Variants in RPTOR observed in about 807,000 individuals in gnomAD.
RPTOR encodes the protein regulatory associated protein of MTOR complex 1.
RPTOR carries 21 observed loss-of-function variants against 169.9 expected under a neutral mutation model. The observed-to-expected ratio is 0.12, with a 90% CI of 0.09 to 0.18. RPTOR has a LOEUF of 0.18. RPTOR is among the 10% of genes least tolerant of loss of function. The pLI is 1.00. For synonymous variants in RPTOR, 732 were observed against 753.2 expected (o/e 0.97, Z 0.46); for missense variants, 1,133 against 1,855.9 (o/e 0.61, Z 7.16).
At chr17:80,584,772 T>C (rs565246369) in intron 1 of RPTOR, among the ~76,000 whole-genome samples, 63 of 152,332 alleles carry the variant, frequency 4.1e-4, no homozygotes, top group South Asian at 3.3e-3. Context: ...CTTAGAAACA[T>C]TGTTACCATG....
At position 80,562,728 on chromosome 17, in the gene RPTOR, G is replaced by A. The variant is rs2084515688; in HGVS notation, c.162+16937G>A. On this transcript the variant is annotated intron_variant, in intron 1 of 33. Transcript: ENST00000306801. This position sits in a 1 kb window ranked among gnomAD's most constrained non-coding sequence, Gnocchi z 4.4. The stretch of plus-strand genomic sequence containing the variant: ...GAACCTGGGAGGCAGAGGTTGCAGT[G>A]AGCTGAGACTGCGCCACTGCACCCC... 6.7e-6 allele frequency among the ~76,000 whole-genome samples: 1 copy of A among 148,302 alleles called. No homozygotes were observed. The highest frequency in any genetic ancestry group is 2.5e-5 in the African/African-American group (1 of 39,868).
intron 6 of RPTOR, among the ~76,000 whole-genome samples, chr17:80,768,276 G>A (rs9915518): frequency 0.27 from 41,529 of 152,010 alleles, 5,836 homozygotes; most frequent in African/African-American, 0.33. Flanking sequence ...TCTGTCTAAC[G>A]GGAGAACCAT....
chr17:80,931,405 G>A (rs1023537669), intron 24 of RPTOR, among the ~76,000 whole-genome samples: 15 of 152,174 alleles, frequency 9.9e-5, no homozygotes, highest in Admixed American at 2.6e-4. Flanking sequence ...AGTGGTTTGC[G>A]CAAGGCTAAA....
chr17:80,639,794 G>A (rs2065538127), intron 2 of RPTOR, among the ~76,000 whole-genome samples: 1 of 152,194 alleles, frequency 6.6e-6, no homozygotes, highest in African/African-American at 2.4e-5. Context: ...AGCAGTGGCT[G>A]GTGGAGTGCC....
Position 80,848,171 on chromosome 17 carries a change from G to A in RPTOR, c.1314+1597G>A, listed in dbSNP as rs565228412. 6.6e-5 allele frequency among the ~76,000 whole-genome samples: 10 copies of A among 152,342 alleles called. No individual in the cohort carries two copies. The South Asian group carries it at 1.7e-3, about 25-fold the overall frequency. Reference sequence around the variant, plus strand: ...GCAACAAAGAACCAGTGTGCCAGCCGGCTGCCCTGGTGTTATGATCCCAGC... The same window carrying A: ...GCAACAAAGAACCAGTGTGCCAGCCAGCTGCCCTGGTGTTATGATCCCAGC... On this transcript the variant is annotated intron_variant, in intron 11 of 33. Coordinates refer to ENST00000306801, the MANE Select transcript of RPTOR (RefSeq NM_020761.3).
At chr17:80,893,509 A>G (rs2143876687) in intron 19 of RPTOR, among the ~76,000 whole-genome samples, 198 bp from the exon 20 acceptor site, 1 of 133,904 alleles carries the variant, frequency 7.5e-6, no homozygotes, top group South Asian at 2.5e-4. Flanking sequence ...GTGTGTGTGT[A>G]TGAGGGTGTG....
At chr17:80,578,963 G>C (rs2064990342) in intron 1 of RPTOR, among the ~76,000 whole-genome samples, 1 of 152,138 alleles carries the variant, frequency 6.6e-6, no homozygotes, top group African/African-American at 2.4e-5. Flanking sequence ...AACTTCATGT[G>C]GTAGCAGTAA....
intron 1 of RPTOR, among the ~76,000 whole-genome samples, chr17:80,579,593 G>T (rs1242640742): frequency 1.3e-5 from 2 of 152,194 alleles, no homozygotes; most frequent in African/African-American, 4.8e-5. Flanking sequence ...CAAGGAAGAG[G>T]ATCTAGTCTT....
In RPTOR at chr17:80,857,643, T is replaced by C. The variant is rs563008174; in HGVS notation, c.1399-147T>C. The C allele has an allele frequency of 4.4e-5, 26 of 591,320 alleles. No homozygotes were observed. In the East Asian group the frequency reaches 7.3e-4, roughly 17 times the overall value. 36.6% of individuals were successfully genotyped at this position (591,320 alleles called of 1,614,324 possible). A position where few individuals can be genotyped will look rare whatever the true frequency, so the allele number is the denominator to read the frequency against. On this transcript the variant is annotated intron_variant, in intron 12 of 33. Transcript: ENST00000306801. The stretch of plus-strand genomic sequence containing the variant: ...GATGAATAAATCTGGAGGAAGCCCC[T>C]CTTTACTTTAAGTGAGGCCCATTCA...
Position 80,576,118 on chromosome 17 carries a change from T to C in RPTOR, c.162+30327T>C, listed in dbSNP as rs138819363. ...CCTTGTATTTTTCATATGTCTCCTATAAACAGCTTGTAGTTGGATTAAAAC... is the reference window on the plus strand; with the variant it reads ...CCTTGTATTTTTCATATGTCTCCTACAAACAGCTTGTAGTTGGATTAAAAC... On this transcript the variant is annotated intron_variant, in intron 1 of 33. Transcript: ENST00000306801. 3.6e-3 allele frequency among the ~76,000 whole-genome samples: 550 copies of C among 152,302 alleles called. 3 individuals carry two copies. The highest frequency in any genetic ancestry group is 0.013 in the African/African-American group (532 of 41,558).
chr17:80,933,993 G>T (rs1156264605), intron 24 of RPTOR, among the ~76,000 whole-genome samples: 4 of 151,954 alleles, frequency 2.6e-5, no homozygotes, highest in Admixed American at 6.6e-5. Context: ...CCAGGCTGGG[G>T]TTCAGCGGTG....
chr17:80,751,871 C>T (rs1304494760), intron 5 of RPTOR, among the ~76,000 whole-genome samples: 1 of 152,214 alleles, frequency 6.6e-6, no homozygotes, highest in East Asian at 1.9e-4. Context: ...TAGCAGGTGG[C>T]GCTCTCAGTC....
At chr17:80,767,399 G>A (rs908462997) in intron 6 of RPTOR, among the ~76,000 whole-genome samples, 1 of 151,454 alleles carries the variant, frequency 6.6e-6, no homozygotes, top group Non-Finnish European at 1.5e-5. Context: ...GTAAATAAAA[G>A]GAGAATAAGG....
At position 80,858,145 on chromosome 17, in the gene RPTOR, C is replaced by T. The variant is rs564357540; in HGVS notation, c.1509+245C>T. 3.0e-4 allele frequency: 162 copies of T among 533,552 alleles called. 1 individual carries two copies. The highest frequency in any genetic ancestry group is 2.7e-3 in the African/African-American group (142 of 52,570). 33.1% of individuals were successfully genotyped at this position (533,552 alleles called of 1,614,324 possible). On this transcript the variant is annotated intron_variant, in intron 13 of 33. Transcript: ENST00000306801. Reference sequence around the variant, plus strand: ...CCCTGGTACCCTGCGCTCAGTCCCCCCACACCGTCCTGTCCCTGGCCTTCC... The same window carrying T: ...CCCTGGTACCCTGCGCTCAGTCCCCTCACACCGTCCTGTCCCTGGCCTTCC...
chr17:80,952,400 G>T lies in RPTOR; in HGVS notation c.3370+2853G>T, dbSNP rs189178379. Among the ~76,000 whole-genome samples, 3 of 152,344 alleles carry T rather than the reference G, an allele frequency of 2.0e-5. No individual in the cohort carries two copies. The East Asian group carries it at 5.8e-4, about 29-fold the overall frequency. ...CACGGGGATCCGTGGAGCCGCAGAG[G>T]TTTCATCCTCCCCTGGAACTGAGGA... On this transcript the variant is annotated intron_variant, in intron 28 of 33. Transcript: ENST00000306801.
intron 27 of RPTOR, chr17:80,948,711 G>A: frequency 6.5e-6 from 1 of 152,836 alleles, no homozygotes; most frequent in Non-Finnish European, 1.5e-5. Context: ...GGGGCTTGAA[G>A]AGCGCCTGAG....
chr17:80,738,021 G>C (rs566059730), intron 5 of RPTOR, among the ~76,000 whole-genome samples: 22 of 152,240 alleles, frequency 1.4e-4, no homozygotes, highest in African/African-American at 4.6e-4. Context: ...TTAAGAGGGT[G>C]GGGGGGCAGG....
At chr17:80,800,213 C>A (rs918430868) in intron 7 of RPTOR, among the ~76,000 whole-genome samples, 1 of 152,182 alleles carries the variant, frequency 6.6e-6, no homozygotes, top group East Asian at 1.9e-4. Flanking sequence ...TGCCCCCAGA[C>A]GGTCAGAAAT....
At chr17:80,953,629 GTCC>G (rs1021082823) in intron 28 of RPTOR, among the ~76,000 whole-genome samples, 2 of 152,258 alleles carry the variant, frequency 1.3e-5, no homozygotes, top group African/African-American at 4.8e-5. Flanking sequence ...CCTGGGCGGT[GTCC>G]TCCTCGGTCA....
Sources: gnomAD v4.1 joint callset for allele counts (sites outside exome capture counted in the v4.1 genomes callset) on GRCh38, gnomAD v4.1.1 for gene constraint, Gnocchi (gnomAD v3.1) non-coding constraint, MANE v1.5 for transcripts, NCBI Gene and HGNC (gene_info 2026-07-23, HGNC 2026-07-21) for gene names.